FOCAD: variants seen among roughly 807,000 people sequenced by gnomAD.
FOCAD encodes focadhesin, also known as KIAA1797.
A neutral mutation model predicts 225.6 loss-of-function variants in FOCAD; 198 were observed. That is an observed-to-expected ratio of 0.88 (90% CI 0.78 to 0.99). The LOEUF is 0.99. FOCAD is among the 50% of genes least tolerant of loss of function. The pLI, the probability that FOCAD is intolerant of heterozygous loss-of-function variation, is 0.00. For synonymous variants in FOCAD, 897 were observed against 755.0 expected (o/e 1.19, Z -3.08); for missense variants, 2,713 against 2,123.6 (o/e 1.28, Z -5.46).
intron 24 of FOCAD, among the ~76,000 whole-genome samples, chr9:20,918,439 A>T (rs889542913): frequency 6.6e-6 from 1 of 152,180 alleles, no homozygotes; most frequent in African/African-American, 2.4e-5. Context: ...AAACTTACAA[A>T]GTGGCCGGGC....
chr9:20,863,119 T>C (rs1052946420), intron 16 of FOCAD: 1 of 153,832 alleles, frequency 6.5e-6, no homozygotes, highest in African/African-American at 2.4e-5. Context: ...TTGTAATGAG[T>C]TGAAATACTT....
At chr9:20,900,290 A>G (rs1465217633) in intron 21 of FOCAD, among the ~76,000 whole-genome samples, 2 of 151,686 alleles carry the variant, frequency 1.3e-5, no homozygotes, top group African/African-American at 4.8e-5. Flanking sequence ...ACCCAACCAT[A>G]TTTCCGCCTC....
chr9:20,968,693 C>G (rs2132522033), intron 35 of FOCAD, among the ~76,000 whole-genome samples: 1 of 152,026 alleles, frequency 6.6e-6, no homozygotes, highest in South Asian at 2.1e-4. Flanking sequence ...CCCACCTCGG[C>G]CTCCCAAAGT....
chr9:20,727,108 T>C (rs1826259506), intron 4 of FOCAD, among the ~76,000 whole-genome samples: 1 of 152,160 alleles, frequency 6.6e-6, no homozygotes, highest in Non-Finnish European at 1.5e-5. Flanking sequence ...CTGTTTCCCA[T>C]CTTGTCTTTT....
At chr9:20,859,783 C>T (rs753932435) in intron 15 of FOCAD, among the ~76,000 whole-genome samples, 38 of 149,630 alleles carry the variant, frequency 2.5e-4, no homozygotes, top group Non-Finnish European at 3.7e-4. Context: ...GGAAAAGGTA[C>T]GATAACTGAT....
intron 4 of FOCAD, among the ~76,000 whole-genome samples, chr9:20,729,029 G>T (rs557889241): frequency 6.6e-6 from 1 of 152,254 alleles, no homozygotes; most frequent in East Asian, 1.9e-4. Context: ...GACTGAGATT[G>T]GAATTTCCTG....
intron 11 of FOCAD, among the ~76,000 whole-genome samples, chr9:20,793,074 A>C (rs1820701268): frequency 6.6e-6 from 1 of 152,202 alleles, no homozygotes; most frequent in African/African-American, 2.4e-5. Flanking sequence ...CCCTGAAGTC[A>C]GTCGGCTACC....
At chr9:20,679,536 T>C (rs1822337005), upstream of FOCAD, among the ~76,000 whole-genome samples, 1 of 152,164 alleles carries the variant, frequency 6.6e-6, no homozygotes. Flanking sequence ...TCTTTTCAGC[T>C]CTGTTAATGA....
At chr9:20,833,249 G>T (rs999945712) in intron 15 of FOCAD, among the ~76,000 whole-genome samples, 2 of 151,968 alleles carry the variant, frequency 1.3e-5, no homozygotes, top group Non-Finnish European at 2.9e-5. Flanking sequence ...CTCATGATTA[G>T]TGATGTTGAG....
chr9:20,670,811 A>G (rs1822043194), intron 2 of FOCAD, among the ~76,000 whole-genome samples: 1 of 152,168 alleles, frequency 6.6e-6, no homozygotes, highest in African/African-American at 2.4e-5. Flanking sequence ...CCCTATTTCT[A>G]TGATTCCAAA....
intron 12 of FOCAD, 61 bp downstream of exon 12, chr9:20,819,961 CT>C (rs1564029509): frequency 9.7e-7 from 1 of 1,027,114 alleles, no homozygotes; most frequent in South Asian, 1.7e-5. Context: ...ACTTTGAATT[CT>C]TTTTGGTATT....
At chr9:20,971,229 A>G (rs1479008402) in intron 35 of FOCAD, among the ~76,000 whole-genome samples, 4 of 152,130 alleles carry the variant, frequency 2.6e-5, no homozygotes, top group Non-Finnish European at 5.9e-5. Flanking sequence ...CCTATATCAA[A>G]ATATCTCATG....
At chr9:20,883,887 A>G (rs1241098850) in intron 20 of FOCAD, among the ~76,000 whole-genome samples, 2 of 152,228 alleles carry the variant, frequency 1.3e-5, no homozygotes, top group East Asian at 3.8e-4. Flanking sequence ...AACTTAAAGG[A>G]TCAGGGAAGA....
chr9:20,757,666 G>A (rs1188039591), intron 5 of FOCAD, among the ~76,000 whole-genome samples: 1 of 152,164 alleles, frequency 6.6e-6, no homozygotes, highest in African/African-American at 2.4e-5. Flanking sequence ...ATGGGTTCGG[G>A]TAAGGTTGGA....
intron 15 of FOCAD, among the ~76,000 whole-genome samples, chr9:20,844,074 A>T (rs1166591573): frequency 6.6e-6 from 1 of 152,130 alleles, no homozygotes; most frequent in Non-Finnish European, 1.5e-5. Context: ...ATGACCCAAA[A>T]AGCCCATTTC....
chr9:20,706,486 A>G (rs942056062), intron 1 of FOCAD, among the ~76,000 whole-genome samples: 1 of 152,156 alleles, frequency 6.6e-6, no homozygotes, highest in African/African-American at 2.4e-5. Flanking sequence ...TGAATTATTG[A>G]TCTTAAAATT....
chr9:20,739,005 A>G (rs1827378312), intron 4 of FOCAD, among the ~76,000 whole-genome samples: 1 of 152,184 alleles, frequency 6.6e-6, no homozygotes. Context: ...TGGACTAACC[A>G]TATTACTAGT....
At chr9:20,667,957 A>G (rs911071326) in intron 2 of FOCAD, among the ~76,000 whole-genome samples, 2 of 152,216 alleles carry the variant, frequency 1.3e-5, no homozygotes, top group African/African-American at 4.8e-5. Context: ...AGATGCCACT[A>G]GAAAAGGTTT....
intron 11 of FOCAD, among the ~76,000 whole-genome samples, chr9:20,795,506 C>T (rs1820963695): frequency 6.6e-6 from 1 of 150,638 alleles, no homozygotes; most frequent in African/African-American, 2.4e-5. Flanking sequence ...ATGTTTTGGG[C>T]CGGGCACGCT....
Sources: allele counts gnomAD v4.1 joint callset (sites outside exome capture counted in the v4.1 genomes callset), GRCh38; gene constraint gnomAD v4.1.1; transcripts MANE v1.5; gene names NCBI Gene and HGNC (gene_info 2026-07-23, HGNC 2026-07-21).